The following CNTNAP2 variants were observed in gnomAD, a reference collection of about 807,000 sequenced individuals.
CNTNAP2 encodes the protein contactin associated protein 2.
A neutral mutation model predicts 155.2 loss-of-function variants in CNTNAP2; 98 were observed. The ratio of observed to expected loss-of-function variants is 0.63; its 90% CI spans 0.54 to 0.75. CNTNAP2 has a LOEUF of 0.75. Among genes scored for constraint, CNTNAP2 ranks in the 30% least tolerant of loss-of-function variants. CNTNAP2 has a pLI of 0.00. For missense variants in CNTNAP2, 1,727 were observed against 1,688.1 expected, an observed-to-expected ratio of 1.02 and a Z score of -0.40; for synonymous variants, 651 against 631.2, an observed-to-expected ratio of 1.03 and a Z score of -0.47.
At chr7:147,890,467 TG>T (rs1214871780) in intron 13 of CNTNAP2, among the ~76,000 whole-genome samples, 1 of 152,232 alleles carries the variant, frequency 6.6e-6, no homozygotes, top group East Asian at 1.9e-4. Context: ...AACTCCCATA[TG>T]ATCCAGCCAT....
intron 8 of CNTNAP2, among the ~76,000 whole-genome samples, chr7:147,290,924 C>G (rs2116747500): frequency 6.6e-6 from 1 of 152,224 alleles, no homozygotes; most frequent in African/African-American, 2.4e-5. Flanking sequence ...AATGTTGAAT[C>G]TGCAAATAAT....
chr7:146,830,106 A>T (rs919262389), intron 2 of CNTNAP2, among the ~76,000 whole-genome samples: 6 of 152,048 alleles, frequency 3.9e-5, no homozygotes, highest in African/African-American at 1.4e-4. Context: ...CCTTTTGATA[A>T]TCGATGTCTA....
intron 13 of CNTNAP2, among the ~76,000 whole-genome samples, chr7:147,836,131 GGAAGAA>G (rs1798629490): frequency 1.3e-5 from 2 of 152,104 alleles, no homozygotes; most frequent in Non-Finnish European, 2.9e-5. Flanking sequence ...AAGCAATCCA[GGAAGAA>G]ATTTTTGTTG....
At chr7:146,983,871 A>T (rs73740561) in intron 3 of CNTNAP2, among the ~76,000 whole-genome samples, 1 of 152,192 alleles carries the variant, frequency 6.6e-6, no homozygotes, top group Admixed American at 6.5e-5. Flanking sequence ...ATTTATAAAG[A>T]ATATTTGTCT....
At chr7:146,745,453 A>G (rs891643982) in intron 1 of CNTNAP2, among the ~76,000 whole-genome samples, 1 of 152,180 alleles carries the variant, frequency 6.6e-6, no homozygotes, top group Non-Finnish European at 1.5e-5. Flanking sequence ...AAGACAAGAT[A>G]TAAACAAAGG....
chr7:148,215,859 A>G (rs548098887), intron 18 of CNTNAP2, among the ~76,000 whole-genome samples: 1 of 152,278 alleles, frequency 6.6e-6, no homozygotes, highest in East Asian at 1.9e-4. Context: ...CTCTGTGCCG[A>G]CCTCTTTAAC....
chr7:146,934,302 G>A (rs1436145675), intron 3 of CNTNAP2, among the ~76,000 whole-genome samples: 1 of 152,038 alleles, frequency 6.6e-6, no homozygotes, highest in African/African-American at 2.4e-5. Context: ...GGACATGGAT[G>A]AAATTGGAAA....
chr7:147,540,834 A>AT (rs1168084633), intron 11 of CNTNAP2, among the ~76,000 whole-genome samples: 1 of 151,904 alleles, frequency 6.6e-6, no homozygotes, highest in Non-Finnish European at 1.5e-5. Context: ...TGTCTCAAAA[A>AT]AAAAAGAAAC....
At chr7:147,061,201 C>A (rs1799663329) in intron 4 of CNTNAP2, among the ~76,000 whole-genome samples, 1 of 151,982 alleles carries the variant, frequency 6.6e-6, no homozygotes, top group African/African-American at 2.4e-5. Flanking sequence ...GTGCTACACA[C>A]CATTGTACTT....
At chr7:146,869,354 C>T (rs1486822572) in intron 3 of CNTNAP2, among the ~76,000 whole-genome samples, 1 of 152,130 alleles carries the variant, frequency 6.6e-6, no homozygotes, top group Non-Finnish European at 1.5e-5. Flanking sequence ...AATAACCTTG[C>T]ATCCCGGGCA....
Position 147,121,120 on chromosome 7 carries a change from T to G in CNTNAP2, c.896T>G (p.Phe299Cys). 2.5e-6 allele frequency: 4 copies of G among 1,614,132 alleles called. No individual in the cohort carries two copies. Among genetic ancestry groups the G allele is most frequent in the Non-Finnish European group, 3.4e-6 (4 of 1,180,008 alleles). Reference protein sequence around the residue: ...NLTLDRSMQHFRTNGEFDYLD... With the variant: ...NLTLDRSMQHCRTNGEFDYLD... ...ACTCTGGACAGGAGCATGCAGCACTTCCGTACCAATGGAGAGTTTGACTAC... is the reference window on the plus strand; with the variant it reads ...ACTCTGGACAGGAGCATGCAGCACTGCCGTACCAATGGAGAGTTTGACTAC... The change falls in exon 6 of 24, where the codon TTC becomes TGC. Residue 299 changes from phenylalanine (F) to cysteine (C), a missense_variant. By Grantham distance (205) the Phe-to-Cys change is radical. Transcript: ENST00000361727.
intron 9 of CNTNAP2, among the ~76,000 whole-genome samples, chr7:147,341,954 A>G (rs957629551): frequency 6.6e-6 from 1 of 152,196 alleles, no homozygotes; most frequent in East Asian, 1.9e-4. Flanking sequence ...TTAAACATCA[A>G]ACATTTATTT....
chr7:147,997,111 C>T (rs1167929369), intron 15 of CNTNAP2, among the ~76,000 whole-genome samples: 1 of 152,218 alleles, frequency 6.6e-6, no homozygotes, highest in East Asian at 1.9e-4. Context: ...TCTTGGACTT[C>T]CCAGCCTCCA....
intron 6 of CNTNAP2, among the ~76,000 whole-genome samples, chr7:147,123,625 G>A (rs922955084): frequency 3.9e-5 from 6 of 152,224 alleles, no homozygotes; most frequent in Non-Finnish European, 7.3e-5. Flanking sequence ...CCAGATTATG[G>A]TCCTCTTAGA....
intron 8 of CNTNAP2, among the ~76,000 whole-genome samples, chr7:147,257,030 A>G (rs1414626038): frequency 1.3e-5 from 2 of 152,196 alleles, no homozygotes; most frequent in Non-Finnish European, 2.9e-5. Flanking sequence ...TAAGTGAGAG[A>G]ATTTTATGAA....
intron 12 of CNTNAP2, among the ~76,000 whole-genome samples, chr7:147,578,683 G>T (rs1398051167): frequency 6.6e-6 from 1 of 151,976 alleles, no homozygotes; most frequent in African/African-American, 2.4e-5. Flanking sequence ...AAATTATTTA[G>T]TATACAGTAT....
At chr7:148,242,775 TC>T in intron 20 of CNTNAP2, among the ~76,000 whole-genome samples, 1 of 152,214 alleles carries the variant, frequency 6.6e-6, no homozygotes, top group Non-Finnish European at 1.5e-5. Flanking sequence ...CGTGAAGGAA[TC>T]CAGTTTATGA....
intron 8 of CNTNAP2, among the ~76,000 whole-genome samples, chr7:147,298,550 G>GTGAC (rs771083054): frequency 6.6e-6 from 1 of 152,134 alleles, no homozygotes; most frequent in East Asian, 1.9e-4. Context: ...CTACAAACAT[G>GTGAC]TGACTATCTT....
At chr7:147,146,352 T>C (rs767509193) in intron 8 of CNTNAP2, 2 of 152,934 alleles carry the variant, frequency 1.3e-5, no homozygotes, top group Non-Finnish European at 2.9e-5. Flanking sequence ...ACAGCTCCAC[T>C]TTGCTTAGCT....
Sources: allele counts gnomAD v4.1 joint callset (sites outside exome capture counted in the v4.1 genomes callset), GRCh38; gene constraint gnomAD v4.1.1; transcripts MANE v1.5; gene names NCBI Gene and HGNC (gene_info 2026-07-23, HGNC 2026-07-21).